The following DLGAP2 variants were observed in gnomAD, a reference collection of about 807,000 sequenced individuals.
DLGAP2 encodes the protein DLG associated protein 2, also known as disks large-associated protein 2.
Under a neutral mutation model 100.3 loss-of-function variants are expected in DLGAP2, and 26 were observed. The observed-to-expected ratio is 0.26, with a 90% CI of 0.19 to 0.36. The LOEUF is 0.36. Among genes scored for constraint, DLGAP2 ranks in the 10% least tolerant of loss-of-function variants. The probability of loss-of-function intolerance (pLI) is 1.00; values close to 1 mark genes in which losing one functional copy is unlikely to be tolerated. For synonymous variants in DLGAP2, 886 were observed against 630.1 expected (o/e 1.41, Z -6.08); for missense variants, 1,858 against 1,453.2 (o/e 1.28, Z -4.53).
chr8:1,666,244 G>A (rs1041521824), intron 8 of DLGAP2, among the ~76,000 whole-genome samples: 10 of 151,668 alleles, frequency 6.6e-5, no homozygotes, highest in Admixed American at 3.3e-4. Flanking sequence ...AGGAACAAAA[G>A]AAAAAAAGAC....
chr8:1,439,568 G>A (rs1797766868), intron 3 of DLGAP2, among the ~76,000 whole-genome samples: 1 of 152,166 alleles, frequency 6.6e-6, no homozygotes. Context: ...CAGTCCCACG[G>A]CAACACGGTC....
chr8:1,677,905 A>C (rs1798846938), intron 11 of DLGAP2, among the ~76,000 whole-genome samples: 1 of 152,210 alleles, frequency 6.6e-6, no homozygotes, highest in African/African-American at 2.4e-5. Context: ...TCTGAAAGGG[A>C]GGTAGCCATT....
At chr8:1,270,179 G>A (rs748678165) in intron 3 of DLGAP2, among the ~76,000 whole-genome samples, 15 of 152,140 alleles carry the variant, frequency 9.9e-5, no homozygotes, top group African/African-American at 2.4e-4. Flanking sequence ...ATGGGAAGCC[G>A]TGTGCAGGAT....
At chr8:1,510,684 C>G (rs4876078) in intron 4 of DLGAP2, among the ~76,000 whole-genome samples, 64,992 of 152,050 alleles carry the variant, frequency 0.43, 14,914 homozygotes, top group South Asian at 0.66. Flanking sequence ...AGAGTGGTGA[C>G]TTCTCCAAGG....
chr8:1,033,607 G>T (rs1802034520), intron 2 of DLGAP2, among the ~76,000 whole-genome samples: 2 of 152,192 alleles, frequency 1.3e-5, no homozygotes, highest in South Asian at 4.1e-4. Flanking sequence ...TGCGGAGGTT[G>T]CAGTGAGCTG....
intron 3 of DLGAP2, among the ~76,000 whole-genome samples, chr8:1,433,990 G>T (rs375185820): frequency 5.9e-5 from 9 of 152,238 alleles, no homozygotes; most frequent in African/African-American, 1.9e-4. Context: ...TGGAGAGAAA[G>T]AAGGGACTTG....
chr8:1,471,294 C>G (rs193154544), intron 3 of DLGAP2, among the ~76,000 whole-genome samples: 1 of 51,670 alleles, frequency 1.9e-5, no homozygotes, highest in African/African-American at 1.1e-4. Flanking sequence ...CCCGACCCCT[C>G]CAGCTTTTCC....
chr8:897,716 G>C (rs566993668), intron 1 of DLGAP2, among the ~76,000 whole-genome samples: 22 of 152,236 alleles, frequency 1.4e-4, no homozygotes, highest in South Asian at 4.2e-4. Flanking sequence ...GGCTCACAGG[G>C]CTGCATCCTG....
At chr8:1,651,978 A>G (rs1294619939) in intron 8 of DLGAP2, among the ~76,000 whole-genome samples, 1 of 152,194 alleles carries the variant, frequency 6.6e-6, no homozygotes, top group Non-Finnish European at 1.5e-5. Context: ...AGCCTGCCCC[A>G]GGCACCTACA....
intron 2 of DLGAP2, among the ~76,000 whole-genome samples, chr8:1,110,290 G>A (rs1177468083): frequency 6.7e-6 from 1 of 148,720 alleles, no homozygotes; most frequent in Non-Finnish European, 1.5e-5. Context: ...TGTGAGGTGT[G>A]CACGGGTCTG....
At chr8:1,055,616 G>C (rs192343284) in intron 2 of DLGAP2, among the ~76,000 whole-genome samples, 2 of 152,222 alleles carry the variant, frequency 1.3e-5, no homozygotes, top group East Asian at 1.9e-4. Flanking sequence ...CTCACTGTTG[G>C]ACTTCCGGGT....
At chr8:1,079,788 G>T (rs920073480) in intron 2 of DLGAP2, among the ~76,000 whole-genome samples, 1 of 152,242 alleles carries the variant, frequency 6.6e-6, no homozygotes. Flanking sequence ...TGAGCCCAGA[G>T]CAATGGGGCA....
At chr8:1,070,624 G>A (rs1162309377) in intron 2 of DLGAP2, among the ~76,000 whole-genome samples, 1 of 152,040 alleles carries the variant, frequency 6.6e-6, no homozygotes, top group Non-Finnish European at 1.5e-5. Context: ...ACATACATAC[G>A]CGTATGTGAA....
At chr8:860,275 G>C (rs1033240907) in intron 1 of DLGAP2, among the ~76,000 whole-genome samples, 1 of 152,156 alleles carries the variant, frequency 6.6e-6, no homozygotes, top group Non-Finnish European at 1.5e-5. Context: ...ATGACACCCC[G>C]GGTTTTGCAG....
At chr8:875,547 C>T (rs532181170) in intron 1 of DLGAP2, among the ~76,000 whole-genome samples, 1 of 152,312 alleles carries the variant, frequency 6.6e-6, no homozygotes, top group African/African-American at 2.4e-5. Context: ...GTGTTTGCTT[C>T]CCCTTCCACC....
At chr8:1,445,953 G>C (rs940927967) in intron 3 of DLGAP2, among the ~76,000 whole-genome samples, 1 of 149,776 alleles carries the variant, frequency 6.7e-6, no homozygotes, top group Non-Finnish European at 1.5e-5. Flanking sequence ...TTTTTTTCTT[G>C]TAAATTTGTT....
intron 3 of DLGAP2, among the ~76,000 whole-genome samples, chr8:1,480,822 C>T (rs966172671): frequency 2.7e-5 from 4 of 150,238 alleles, no homozygotes; most frequent in Non-Finnish European, 5.9e-5. Context: ...GCTGAGATCA[C>T]GCCATTGCAC....
rs544908830 is a variant in DLGAP2 at position 932,670 on chromosome 8, C to T, written c.73+24704C>T. 2.5e-4 allele frequency among the ~76,000 whole-genome samples: 38 copies of T among 152,186 alleles called. No individual in the cohort carries two copies. The South Asian group carries it at 7.3e-3, about 29-fold the overall frequency. ...ATGCCTGCAATGTAGTCTCATGTGG[C>T]TCTGAAAAAAATTACATGAAAGACA... On this transcript the variant is annotated intron_variant, in intron 2 of 14. Transcript: ENST00000637795.
chr8:1,046,163 T>G (rs1318697726), intron 2 of DLGAP2, among the ~76,000 whole-genome samples: 2 of 152,214 alleles, frequency 1.3e-5, no homozygotes, highest in Non-Finnish European at 2.9e-5. Context: ...GAAACCATAT[T>G]TCTGAAGGCT....
Sources: allele counts gnomAD v4.1 joint callset (sites outside exome capture counted in the v4.1 genomes callset), GRCh38; gene constraint gnomAD v4.1.1; transcripts MANE v1.5; gene names NCBI Gene and HGNC (gene_info 2026-07-23, HGNC 2026-07-21).